Variants in DIAPH2 observed in about 807,000 individuals in gnomAD.
DIAPH2 encodes the protein diaphanous related formin 2, also known as protein diaphanous homolog 2.
Under a neutral mutation model 92.7 loss-of-function variants are expected in DIAPH2, and 35 were observed. That is an observed-to-expected ratio of 0.38 (90% CI 0.29 to 0.50). The LOEUF (loss-of-function observed/expected upper bound fraction) is 0.50, where lower values mean the gene tolerates loss of function less well. Ranked by LOEUF, DIAPH2 falls within the 20% of genes least tolerant of loss-of-function variation. The pLI, the probability that DIAPH2 is intolerant of heterozygous loss-of-function variation, is 0.94. For missense variants in DIAPH2, 701 were observed against 819.5 expected, an observed-to-expected ratio of 0.86 and a Z score of 1.77; for synonymous variants, 301 against 280.4, an observed-to-expected ratio of 1.07 and a Z score of -0.73.
At chrX:97,514,240 C>G (rs1339908078) in intron 26 of DIAPH2, among the ~76,000 whole-genome samples, 2 of 112,760 alleles carry the variant, frequency 1.8e-5, no homozygotes, top group Non-Finnish European at 3.8e-5. Context: ...AACTTTCCTT[C>G]TCGCTTCATT....
chrX:97,103,726 T>A (rs1279464623), intron 20 of DIAPH2, among the ~76,000 whole-genome samples: 1 of 112,129 alleles, frequency 8.9e-6, no homozygotes, highest in Non-Finnish European at 1.9e-5. Flanking sequence ...ATAATTTTTA[T>A]CTGCTTAAAA....
chrX:96,979,705 A>G (rs1237799283), intron 17 of DIAPH2, among the ~76,000 whole-genome samples: 2 of 112,231 alleles, frequency 1.8e-5, no homozygotes, highest in Non-Finnish European at 3.8e-5. Context: ...AGTATGTAAC[A>G]CACAAATGAG....
At chrX:97,224,053 A>G (rs912763406) in intron 22 of DIAPH2, among the ~76,000 whole-genome samples, 1 of 111,788 alleles carries the variant, frequency 8.9e-6, no homozygotes, top group African/African-American at 3.2e-5. Context: ...TGTTTGGGGT[A>G]TGCTCTTACC....
chrX:97,216,140 T>C (rs1455143435), intron 22 of DIAPH2, among the ~76,000 whole-genome samples: 2 of 112,096 alleles, frequency 1.8e-5, no homozygotes, highest in Admixed American at 1.9e-4. Context: ...TATCCTGTTA[T>C]GTAAATACAG....
intron 3 of DIAPH2, among the ~76,000 whole-genome samples, chrX:96,751,474 G>T: frequency 9.8e-6 from 1 of 102,330 alleles, no homozygotes; most frequent in Middle Eastern, 5.1e-3. Context: ...TACTCGGGAG[G>T]CTGAGGCAGG....
intron 26 of DIAPH2, among the ~76,000 whole-genome samples, chrX:97,581,063 T>C (rs372060896): frequency 1.8e-4 from 19 of 103,311 alleles, no homozygotes; most frequent in East Asian, 6.1e-4. Context: ...TCTCTCTTTT[T>C]TTCTTTATTA....
rs2063809779 is a variant in DIAPH2, at chrX:96,693,693, C to T, written c.132+8503C>T. Among the ~76,000 whole-genome samples the T allele has an allele frequency of 2.7e-5, 3 of 112,095 alleles. No homozygotes were observed. In the South Asian group the frequency reaches 1.1e-3, roughly 42 times the overall value. On this transcript the variant is annotated intron_variant, in intron 1 of 26. Transcript: ENST00000324765. ...CACACAGAGGCACCATATGGGCTAG[C>T]TAATACATTTAAAGCCAGATGGATT...
intron 25 of DIAPH2, among the ~76,000 whole-genome samples, chrX:97,423,885 T>C (rs1318712281): frequency 8.9e-6 from 1 of 112,083 alleles, no homozygotes. Flanking sequence ...ACAATTTTTT[T>C]TCTTGAGGTT....
chrX:97,515,264 T>C (rs1431282820), intron 26 of DIAPH2, among the ~76,000 whole-genome samples: 3 of 112,103 alleles, frequency 2.7e-5, no homozygotes, highest in African/African-American at 3.2e-5. Flanking sequence ...GTGGGAGTGA[T>C]CCGATTTTCC....
intron 22 of DIAPH2, among the ~76,000 whole-genome samples, chrX:97,219,706 A>G (rs2067909688): frequency 8.9e-6 from 1 of 111,897 alleles, no homozygotes; most frequent in Non-Finnish European, 1.9e-5. Flanking sequence ...AATAAAATAG[A>G]TGGAAGTACA....
chrX:97,144,801 T>C (rs1275728157), intron 22 of DIAPH2, among the ~76,000 whole-genome samples: 5 of 111,307 alleles, frequency 4.5e-5, no homozygotes, highest in African/African-American at 1.6e-4. Flanking sequence ...GTCTTGCTCT[T>C]TCGCCCAGGC....
At chrX:96,971,184 T>G (rs2065925478) in intron 17 of DIAPH2, among the ~76,000 whole-genome samples, 1 of 111,501 alleles carries the variant, frequency 9.0e-6, no homozygotes, top group Non-Finnish European at 1.9e-5. Flanking sequence ...TAAGAGACAA[T>G]GAGGTAAGTG....
At chrX:97,214,811 A>G (rs745735061) in intron 22 of DIAPH2, among the ~76,000 whole-genome samples, 3 of 101,590 alleles carry the variant, frequency 3.0e-5, no homozygotes, top group African/African-American at 1.1e-4. Context: ...AGCCTGGGCA[A>G]CAAGAGCAAA....
At chrX:97,043,336 C>T (rs1042461241) in intron 17 of DIAPH2, among the ~76,000 whole-genome samples, 2 of 110,613 alleles carry the variant, frequency 1.8e-5, no homozygotes, top group African/African-American at 3.3e-5. Context: ...TTTTAGTTGC[C>T]GTGTAATAAA....
intron 17 of DIAPH2, among the ~76,000 whole-genome samples, chrX:97,061,779 A>ACTC (rs1462622429): frequency 1.1e-5 from 1 of 89,314 alleles, no homozygotes; most frequent in Admixed American, 1.5e-4. Context: ...GCACCACTGC[A>ACTC]CTCCAGCCTG....
rs914419941 is a variant in DIAPH2 at position 97,010,019 on chromosome X, A to G, written c.2050+44812A>G. Among the ~76,000 whole-genome samples the G allele has an allele frequency of 3.6e-5, 4 of 111,764 alleles. No individual in the cohort carries two copies. The East Asian group carries it at 8.5e-4, about 24-fold the overall frequency. On this transcript the variant is annotated intron_variant, in intron 17 of 26. Coordinates refer to ENST00000324765, the MANE Select transcript of DIAPH2 (RefSeq NM_006729.5). ...CCACACCAGGAGGAGTTGCCCAGGAATGGCAGTTCTTGTGGCCGAGACTGT... is the reference window on the plus strand; with the variant it reads ...CCACACCAGGAGGAGTTGCCCAGGAGTGGCAGTTCTTGTGGCCGAGACTGT...
chrX:96,892,617 G>T (rs1441025171), intron 5 of DIAPH2, among the ~76,000 whole-genome samples: 1 of 111,590 alleles, frequency 9.0e-6, no homozygotes, highest in Non-Finnish European at 1.9e-5. Context: ...CACATGCAAT[G>T]ATATTACCTC....
At chrX:97,066,414 G>A (rs916650579) in intron 17 of DIAPH2, among the ~76,000 whole-genome samples, 2 of 112,236 alleles carry the variant, frequency 1.8e-5, no homozygotes, top group African/African-American at 3.2e-5. Flanking sequence ...ACTAACCTGT[G>A]AAGTAGGCTA....
intron 23 of DIAPH2, among the ~76,000 whole-genome samples, chrX:97,323,922 A>T (rs1330816249): frequency 2.7e-5 from 3 of 109,630 alleles, no homozygotes; most frequent in Admixed American, 9.9e-5. Context: ...AAAAAAAAAA[A>T]AAATAAGTAA....
Sources: gnomAD v4.1 joint callset for allele counts (sites outside exome capture counted in the v4.1 genomes callset) on GRCh38, gnomAD v4.1.1 for gene constraint, MANE v1.5 for transcripts, NCBI Gene and HGNC (gene_info 2026-07-23, HGNC 2026-07-21) for gene names.